ZFHX3: variants seen among roughly 807,000 people sequenced by gnomAD.
The protein encoded by ZFHX3 is zinc finger homeobox protein 3.
Under a neutral mutation model 279.1 loss-of-function variants are expected in ZFHX3, and 42 were observed. That is an observed-to-expected ratio of 0.15 (90% CI 0.12 to 0.19). ZFHX3 has a LOEUF of 0.19. Among genes scored for constraint, ZFHX3 ranks in the 10% least tolerant of loss-of-function variants. ZFHX3 has a pLI of 1.00. For synonymous variants in ZFHX3, 2,293 were observed against 1,957.8 expected, an observed-to-expected ratio of 1.17 and a Z score of -4.52; for missense variants, 4,981 against 4,754.0, an observed-to-expected ratio of 1.05 and a Z score of -1.40.
At chr16:73,053,035 C>T (rs1965478170), upstream of ZFHX3, among the ~76,000 whole-genome samples, 1 of 152,184 alleles carries the variant, frequency 6.6e-6, no homozygotes, top group Non-Finnish European at 1.5e-5. Flanking sequence ...TTCCTAATGA[C>T]TGCTTTTTCC....
At chr16:73,114,260 A>C (rs1024701843) in intron 7 of ZFHX3, among the ~76,000 whole-genome samples, 1 of 151,996 alleles carries the variant, frequency 6.6e-6, no homozygotes, top group African/African-American at 2.4e-5. Context: ...CCTGTATGTT[A>C]CTCATTTTCT....
intron 4 of ZFHX3, chr16:73,293,986 C>CAAAAAAAAAAAAAAA: frequency 2.4e-5 from 1 of 41,750 alleles, no homozygotes; most frequent in Non-Finnish European, 4.5e-5. Context: ...GTCAATATGC[C>CAAAAAAAAAAAAAAA]AAAAAAAAAA....
intron 3 of ZFHX3, among the ~76,000 whole-genome samples, chr16:73,356,601 C>A (rs77783963): frequency 0.012 from 1,900 of 152,058 alleles, 28 homozygotes; most frequent in African/African-American, 0.044. Context: ...ACAAGCTGAG[C>A]GACCTTGGAC....
chr16:73,382,048 T>C (rs1012166692), intron 3 of ZFHX3, among the ~76,000 whole-genome samples: 3 of 152,244 alleles, frequency 2.0e-5, no homozygotes, highest in Admixed American at 6.5e-5. Flanking sequence ...CACAGGCAGC[T>C]GGCCTGTGGG....
intron 7 of ZFHX3, among the ~76,000 whole-genome samples, chr16:73,111,707 A>G (rs910921620): frequency 3.3e-5 from 5 of 151,336 alleles, no homozygotes; most frequent in African/African-American, 1.2e-4. Context: ...AGAGAAAGGA[A>G]GAAAGAAAGG....
At chr16:73,567,268 G>A (rs1421199007) in intron 2 of ZFHX3, among the ~76,000 whole-genome samples, 3 of 151,592 alleles carry the variant, frequency 2.0e-5, no homozygotes, top group African/African-American at 7.3e-5. Context: ...CATCTGCAAA[G>A]GCCGTATATC....
chr16:73,383,404 G>A (rs554583414), intron 3 of ZFHX3, among the ~76,000 whole-genome samples: 5 of 152,320 alleles, frequency 3.3e-5, no homozygotes, highest in African/African-American at 1.2e-4. Flanking sequence ...GGTAACTCAG[G>A]CTCCGTGCAG....
At chr16:72,937,794 G>C (rs1259191249) in intron 3 of ZFHX3, among the ~76,000 whole-genome samples, 1 of 152,200 alleles carries the variant, frequency 6.6e-6, no homozygotes, top group Admixed American at 6.5e-5. Context: ...CTGCCTCCAA[G>C]AGCCTTTTTT....
intron 4 of ZFHX3, among the ~76,000 whole-genome samples, chr16:72,881,772 T>C (rs1597341638): frequency 6.6e-6 from 1 of 151,566 alleles, no homozygotes; most frequent in Admixed American, 6.6e-5. Flanking sequence ...CTTTAGGAGG[T>C]CTCTCCCCTC....
At chr16:73,151,482 AG>A (rs1966940638) in intron 5 of ZFHX3, among the ~76,000 whole-genome samples, 1 of 152,172 alleles carries the variant, frequency 6.6e-6, no homozygotes, top group Non-Finnish European at 1.5e-5. Flanking sequence ...AGGAACTGTG[AG>A]AAGGATCTGG....
At chr16:73,135,726 A>G (rs540067628) in intron 6 of ZFHX3, among the ~76,000 whole-genome samples, 1 of 152,352 alleles carries the variant, frequency 6.6e-6, no homozygotes, top group Admixed American at 6.5e-5. Context: ...CTCTTAATTG[A>G]AAGCCTTGGT....
At chr16:73,080,259 G>A (rs1965928450) in intron 8 of ZFHX3, among the ~76,000 whole-genome samples, 2 of 152,168 alleles carry the variant, frequency 1.3e-5, no homozygotes, top group Non-Finnish European at 2.9e-5. Flanking sequence ...CTAAGACAGC[G>A]GTTCAGAAAG....
chr16:73,133,581 C>A (rs976584078), intron 6 of ZFHX3, among the ~76,000 whole-genome samples: 1 of 152,190 alleles, frequency 6.6e-6, no homozygotes, highest in African/African-American at 2.4e-5. Context: ...TGTGAACACT[C>A]TGGAGGAAGA....
intron 1 of ZFHX3, among the ~76,000 whole-genome samples, chr16:73,836,846 T>C (rs867900791): frequency 2.6e-5 from 4 of 152,322 alleles, no homozygotes; most frequent in African/African-American, 4.8e-5. Context: ...GGGTTAGTTC[T>C]TGAGTGAGTG....
intron 4 of ZFHX3, among the ~76,000 whole-genome samples, chr16:73,288,764 C>T (rs1444729725): frequency 1.3e-5 from 2 of 152,034 alleles, no homozygotes; most frequent in South Asian, 2.1e-4. Context: ...CAGTGCATTA[C>T]GGGCACATGC....
chr16:73,516,544 A>T (rs2019525715), intron 2 of ZFHX3, among the ~76,000 whole-genome samples: 1 of 152,186 alleles, frequency 6.6e-6, no homozygotes, highest in Non-Finnish European at 1.5e-5. Context: ...ATTGGATTTA[A>T]GGCTTAGACA....
At chr16:73,410,730 GC>G (rs1359115586) in intron 3 of ZFHX3, among the ~76,000 whole-genome samples, 1 of 152,218 alleles carries the variant, frequency 6.6e-6, no homozygotes, top group African/African-American at 2.4e-5. Context: ...AACAAGAGAG[GC>G]TGCATCCTCT....
intron 1 of ZFHX3, among the ~76,000 whole-genome samples, chr16:73,799,995 T>C (rs947165286): frequency 3.0e-4 from 45 of 152,104 alleles, no homozygotes; most frequent in Non-Finnish European, 1.2e-4. Context: ...CTAAGCAACA[T>C]AGCAAGACCC....
chr16:73,710,498 C>G (rs931819785), intron 1 of ZFHX3, among the ~76,000 whole-genome samples: 2 of 152,192 alleles, frequency 1.3e-5, no homozygotes, highest in African/African-American at 4.8e-5. Flanking sequence ...CAACTGTTGT[C>G]CACACAGAAG....
Sources: allele counts gnomAD v4.1 joint callset (sites outside exome capture counted in the v4.1 genomes callset), GRCh38; gene constraint gnomAD v4.1.1; transcripts MANE v1.5; gene names NCBI Gene and HGNC (gene_info 2026-07-23, HGNC 2026-07-21).